ZNF25: variants seen among roughly 807,000 people sequenced by gnomAD.
ZNF25 encodes the protein zinc finger protein 25 (KOX 19).
In ZNF25, 21 loss-of-function variants were observed where a neutral mutation model predicts 30.9. That is an observed-to-expected ratio of 0.68 (90% CI 0.48 to 0.98). The LOEUF (loss-of-function observed/expected upper bound fraction) is 0.98. Ranked by LOEUF, ZNF25 falls within the 50% of genes least tolerant of loss-of-function variation. The pLI is 0.00. For synonymous variants in ZNF25, 169 were observed against 181.3 expected (o/e 0.93, Z 0.55); for missense variants, 501 against 529.9 (o/e 0.95, Z 0.54).
intron 1 of ZNF25, among the ~76,000 whole-genome samples, chr10:37,973,475 C>A (rs572080258): frequency 6.6e-6 from 1 of 151,082 alleles, no homozygotes; most frequent in African/African-American, 2.4e-5. Flanking sequence ...AAAAATTACA[C>A]AGGTATGGTG....
At chr10:37,954,564 C>G (rs1420254159) in intron 4 of ZNF25, among the ~76,000 whole-genome samples, 26 of 152,172 alleles carry the variant, frequency 1.7e-4, no homozygotes, top group Non-Finnish European at 5.9e-5. Flanking sequence ...AAATCCTGCA[C>G]TTCTAACGCA....
chr10:37,969,564 G>C (rs1364573216), intron 2 of ZNF25, among the ~76,000 whole-genome samples: 1 of 152,210 alleles, frequency 6.6e-6, no homozygotes, highest in African/African-American at 2.4e-5. Flanking sequence ...AGACTAGGTA[G>C]ATCCATAGAG....
At chr10:37,956,477 G>A (rs906703451) in intron 4 of ZNF25, among the ~76,000 whole-genome samples, 1 of 152,194 alleles carries the variant, frequency 6.6e-6, no homozygotes, top group Non-Finnish European at 1.5e-5. Flanking sequence ...TTGTATACAG[G>A]AAAGAGAAGT....
chr10:37,971,049 C>T (rs753712812), intron 2 of ZNF25, among the ~76,000 whole-genome samples: 22 of 152,178 alleles, frequency 1.4e-4, no homozygotes, highest in Non-Finnish European at 3.1e-4. Flanking sequence ...GGCGCAGTAG[C>T]TCACGCCTGT....
intron 2 of ZNF25, among the ~76,000 whole-genome samples, chr10:37,962,444 A>C (rs1412026989): frequency 1.3e-5 from 2 of 152,194 alleles, no homozygotes; most frequent in East Asian, 3.9e-4. Context: ...ATATTCACTG[A>C]AAGACCATTT....
intron 2 of ZNF25, among the ~76,000 whole-genome samples, chr10:37,966,408 C>T (rs1455986844): frequency 6.7e-6 from 1 of 148,520 alleles, no homozygotes; most frequent in Non-Finnish European, 1.5e-5. Context: ...AGCAGGACTC[C>T]ATCTCAATTA....
intron 1 of ZNF25, among the ~76,000 whole-genome samples, chr10:37,973,075 G>T (rs1260399042): frequency 6.6e-6 from 1 of 151,988 alleles, no homozygotes; most frequent in African/African-American, 2.4e-5. Flanking sequence ...GGCTGAGGCA[G>T]GAGAATTGCT....
At chr10:37,960,517 G>A (rs1031131603) in intron 2 of ZNF25, among the ~76,000 whole-genome samples, 2 of 150,850 alleles carry the variant, frequency 1.3e-5, no homozygotes, top group South Asian at 2.1e-4. Context: ...CCAGCTACTC[G>A]GGAGGCTGAG....
intron 1 of ZNF25, 95 bp from the exon 2 acceptor site, chr10:37,971,902 A>T (rs1240040054): frequency 4.0e-6 from 3 of 752,034 alleles, no homozygotes; most frequent in Non-Finnish European, 6.5e-6. Context: ...GACCATGATG[A>T]AGTAGCACCC....
At chr10:37,971,483 T>C (rs934944806) in intron 2 of ZNF25, among the ~76,000 whole-genome samples, 11 of 152,096 alleles carry the variant, frequency 7.2e-5, no homozygotes, top group African/African-American at 2.7e-4. Context: ...CATAGATCCC[T>C]TGAGAGGGTC....
chr10:37,974,656 C>T (rs1456695492), intron 1 of ZNF25, among the ~76,000 whole-genome samples: 1 of 152,130 alleles, frequency 6.6e-6, no homozygotes, highest in Non-Finnish European at 1.5e-5. Flanking sequence ...CTCATACAAC[C>T]TTGGTGGCAA....
rs1324803487 is a variant in ZNF25 at position 37,950,820 on chromosome 10, A to T, written c.*1307T>A. 1.3e-5 allele frequency: 2 copies of T among 152,304 alleles called. No individual in the cohort carries two copies. Among genetic ancestry groups the T allele is most frequent in the South Asian group, 4.1e-4 (2 of 4,824 alleles). 9.4% of individuals were successfully genotyped at this position (152,304 alleles called of 1,614,324 possible). On this transcript the variant is annotated 3_prime_UTR_variant, in exon 6 of 6. Coordinates refer to ENST00000302609, the MANE Select transcript of ZNF25 (RefSeq NM_145011.4). ...GCAGGAGCCCAGAGTCCACACCCTT[A>T]ACTATGCCATGTTGCTTCTATGAGG...
intron 1 of ZNF25, among the ~76,000 whole-genome samples, chr10:37,974,097 CCT>C (rs763989801): frequency 1.4e-4 from 22 of 152,256 alleles, no homozygotes; most frequent in South Asian, 4.1e-4. Context: ...AAACTAAACC[CCT>C]GTCTCTCATC....
intron 2 of ZNF25, among the ~76,000 whole-genome samples, chr10:37,970,722 G>A (rs900097469): frequency 1.3e-5 from 2 of 152,108 alleles, no homozygotes; most frequent in African/African-American, 4.8e-5. Flanking sequence ...CTTTCCCTAA[G>A]TCATATCTCT....
At chr10:37,969,498 A>G (rs568695234) in intron 2 of ZNF25, among the ~76,000 whole-genome samples, 51 of 152,346 alleles carry the variant, frequency 3.3e-4, no homozygotes, top group African/African-American at 1.2e-3. Flanking sequence ...TGCTAAGTAA[A>G]AGAAGGCAGA....
Position 37,952,148 on chromosome 10 carries a change from CTT to C in ZNF25, c.1348_1349del (p.Lys450GlufsTer5), listed in dbSNP as rs752886112. 144 of 1,573,486 alleles carry C rather than the reference CTT, an allele frequency of 9.2e-5. 2 individuals are homozygous for C. The South Asian group carries it at 1.6e-3, about 18-fold the overall frequency. On this transcript the variant is annotated frameshift_variant, in exon 6 of 6. Transcript: ENST00000302609. LOFTEE classifies it low-confidence loss of function (END_TRUNC). ...QLTAHQKTHTKKRNAEK is the reference protein window; with the variant it reads ...QLTAHQKTHTXKRNAEK ...CATCTTACTTCTCAGCATTCCTCTT[CTT>C]TGTGTGTGTCTTCTGATGTGCAGTG...
At chr10:37,954,176 G>A (rs1196801152) in intron 4 of ZNF25, among the ~76,000 whole-genome samples, 1 of 152,142 alleles carries the variant, frequency 6.6e-6, no homozygotes. Flanking sequence ...TGGAATACAT[G>A]GAAAAGATTA....
At chr10:37,964,008 G>C (rs1343107705) in intron 2 of ZNF25, among the ~76,000 whole-genome samples, 1 of 151,920 alleles carries the variant, frequency 6.6e-6, no homozygotes, top group Non-Finnish European at 1.5e-5. Context: ...AAAGAGTCTA[G>C]GACCTACCCC....
At chr10:37,965,300 A>G (rs1453735738) in intron 2 of ZNF25, among the ~76,000 whole-genome samples, 3 of 152,220 alleles carry the variant, frequency 2.0e-5, no homozygotes, top group Non-Finnish European at 2.9e-5. Flanking sequence ...GTACTGCCTA[A>G]TGGAGCTGTG....
Sources: gnomAD v4.1 joint callset for allele counts (sites outside exome capture counted in the v4.1 genomes callset) on GRCh38, gnomAD v4.1.1 for gene constraint, MANE v1.5 for transcripts, NCBI Gene and HGNC (gene_info 2026-07-23, HGNC 2026-07-21) for gene names.